Variants in DOCK9 observed in about 807,000 individuals in gnomAD.
DOCK9 encodes the protein dedicator of cytokinesis 9.
Under a neutral mutation model 263.3 loss-of-function variants are expected in DOCK9, and 89 were observed. The observed-to-expected ratio is 0.34, with a 90% CI of 0.28 to 0.40. The LOEUF is 0.40. DOCK9 is among the 10% of genes least tolerant of loss of function. The pLI, the probability that DOCK9 is intolerant of heterozygous loss-of-function variation, is 1.00. For synonymous variants in DOCK9, 976 were observed against 973.1 expected (o/e 1.00, Z -0.06); for missense variants, 2,140 against 2,603.4 (o/e 0.82, Z 3.87).
intron 1 of DOCK9, among the ~76,000 whole-genome samples, chr13:98,956,140 GGT>G (rs558802857): frequency 3.0e-4 from 45 of 152,354 alleles, no homozygotes; most frequent in African/African-American, 1.1e-3. Context: ...CAGGGGGGCA[GGT>G]ACTACTTAAA....
chr13:98,819,212 T>G lies in DOCK9; in HGVS notation c.5130+5186A>C, dbSNP rs1470161954. Among the ~76,000 whole-genome samples the G allele has an allele frequency of 2.6e-5, 4 of 152,194 alleles. No individual in the cohort carries two copies. In the East Asian group the frequency reaches 7.7e-4, roughly 29 times the overall value. ...GGGGGGTAAGGATGGGAATCTATAT[T>G]TGTAGCAGGGATCCAACTAATTCCT... On this transcript the variant is annotated intron_variant, in intron 45 of 52. Coordinates refer to ENST00000682017, the MANE Select transcript of DOCK9 (RefSeq NM_001366683.2).
chr13:98,839,711 C>T (rs532993134), intron 38 of DOCK9, among the ~76,000 whole-genome samples: 1 of 152,246 alleles, frequency 6.6e-6, no homozygotes, highest in African/African-American at 2.4e-5. Context: ...TAGAATTTAA[C>T]TACTCCTGGC....
chr13:98,846,705 C>T, intron 37 of DOCK9: 1 of 460,654 alleles, frequency 2.2e-6, no homozygotes, highest in Non-Finnish European at 4.1e-6. Flanking sequence ...CCAACCGTCC[C>T]CCTCACTGTG....
Position 98,883,796 on chromosome 13 carries a change from G to A in DOCK9, c.2469+17C>T. On this transcript the variant is annotated intron_variant, in intron 22 of 52. Coordinates refer to ENST00000682017, the MANE Select transcript of DOCK9 (RefSeq NM_001366683.2). ...TCACAGGGCAGCAACTGCTAATTTT[G>A]TTGAAGGAGCACATACCTGAGTATA... 1 of 1,560,428 alleles carries A rather than the reference G, an allele frequency of 6.4e-7. No homozygotes were observed. The highest frequency in any genetic ancestry group is 8.7e-7 in the Non-Finnish European group (1 of 1,153,352).
chr13:98,902,773 C>T (rs889892635), intron 11 of DOCK9, among the ~76,000 whole-genome samples, 199 bp downstream of exon 11: 1 of 152,202 alleles, frequency 6.6e-6, no homozygotes, highest in African/African-American at 2.4e-5. Flanking sequence ...TCCTGGAAAG[C>T]TGAGCACAAA....
intron 1 of DOCK9, among the ~76,000 whole-genome samples, chr13:99,034,373 T>G (rs1887643667): frequency 6.6e-6 from 1 of 151,954 alleles, no homozygotes; most frequent in East Asian, 1.9e-4. Context: ...CCACAGCCCC[T>G]TGATATACTG....
intron 1 of DOCK9, among the ~76,000 whole-genome samples, chr13:99,063,897 C>A (rs1397872403): frequency 6.6e-6 from 1 of 152,150 alleles, no homozygotes; most frequent in Admixed American, 6.5e-5. Flanking sequence ...ACACACCAAC[C>A]TGTCCGCAGG....
At chr13:99,040,638 T>A (rs1888367914) in intron 1 of DOCK9, among the ~76,000 whole-genome samples, 1 of 152,148 alleles carries the variant, frequency 6.6e-6, no homozygotes, top group East Asian at 1.9e-4. Flanking sequence ...CACCAAACAT[T>A]TATGAAGCAC....
At chr13:99,079,899 G>A (rs1374812038) in intron 1 of DOCK9, among the ~76,000 whole-genome samples, 1 of 152,176 alleles carries the variant, frequency 6.6e-6, no homozygotes, top group Non-Finnish European at 1.5e-5. Flanking sequence ...AATTAGCCGG[G>A]TGTGGTGGCA....
chr13:99,035,012 TA>T (rs1887719145), intron 1 of DOCK9, among the ~76,000 whole-genome samples: 1 of 152,202 alleles, frequency 6.6e-6, no homozygotes, highest in Non-Finnish European at 1.5e-5. Flanking sequence ...ACCTACTTCC[TA>T]AAGAATGAAG....
At chr13:98,885,635 C>A in intron 20 of DOCK9, 73 bp downstream of exon 20, 1 of 1,454,670 alleles carries the variant, frequency 6.9e-7, no homozygotes, top group South Asian at 1.5e-5. Context: ...GATGGAAATT[C>A]AGAATCTTAA....
At chr13:98,926,214 T>C (rs1322313126) in intron 3 of DOCK9, among the ~76,000 whole-genome samples, 1 of 152,212 alleles carries the variant, frequency 6.6e-6, no homozygotes, top group Admixed American at 6.5e-5. Flanking sequence ...TACTTAACAA[T>C]GGACTATTTC....
At chr13:99,013,267 G>A (rs1334989686) in intron 1 of DOCK9, among the ~76,000 whole-genome samples, 1 of 152,026 alleles carries the variant, frequency 6.6e-6, no homozygotes, top group Non-Finnish European at 1.5e-5. Context: ...ACATATGTCT[G>A]GCTGATTATT....
intron 1 of DOCK9, among the ~76,000 whole-genome samples, chr13:98,971,735 C>T (rs773798890): frequency 1.1e-4 from 17 of 152,028 alleles, no homozygotes; most frequent in Non-Finnish European, 1.5e-4. Flanking sequence ...GGGAGGAAAA[C>T]GGGATGCCTG....
chr13:98,803,137 C>T (rs539787514), intron 49 of DOCK9, among the ~76,000 whole-genome samples: 9 of 152,240 alleles, frequency 5.9e-5, no homozygotes, highest in East Asian at 3.9e-4. Flanking sequence ...CAGCTGTGGA[C>T]GGCAATCCCC....
chr13:99,020,516 G>C (rs1885967957), intron 1 of DOCK9, among the ~76,000 whole-genome samples: 2 of 152,172 alleles, frequency 1.3e-5, no homozygotes, highest in African/African-American at 4.8e-5. Flanking sequence ...TGCAGCCTGA[G>C]ACCATAGCTA....
chr13:98,810,105 G>A, intron 46 of DOCK9, 64 bp downstream of exon 46: 7 of 1,602,346 alleles, frequency 4.4e-6, no homozygotes, highest in Non-Finnish European at 6.0e-6. Context: ...ATATATGCAG[G>A]TCTGGGTATA....
chr13:98,935,717 A>C (rs1284863568), intron 2 of DOCK9, among the ~76,000 whole-genome samples: 1 of 152,200 alleles, frequency 6.6e-6, no homozygotes, highest in Non-Finnish European at 1.5e-5. Context: ...ACAGTGAGCC[A>C]AGACCACGCC....
intron 43 of DOCK9, among the ~76,000 whole-genome samples, chr13:98,828,443 G>A (rs1194633060): frequency 6.6e-6 from 1 of 152,030 alleles, no homozygotes; most frequent in Non-Finnish European, 1.5e-5. Context: ...GCCAATGTGT[G>A]GTTTACATTA....
Sources: allele counts gnomAD v4.1 joint callset (sites outside exome capture counted in the v4.1 genomes callset), GRCh38; gene constraint gnomAD v4.1.1; transcripts MANE v1.5; gene names NCBI Gene and HGNC (gene_info 2026-07-23, HGNC 2026-07-21).